The following ANO10 variants were observed in gnomAD, a reference collection of about 807,000 sequenced individuals.
ANO10 encodes anoctamin 10.
In ANO10, 77 loss-of-function variants were observed where a neutral mutation model predicts 74.7. That is an observed-to-expected ratio of 1.03 (90% CI 0.86 to 1.25). The LOEUF (loss-of-function observed/expected upper bound fraction) is 1.25, where lower values mean the gene tolerates loss of function less well. Among genes scored for constraint, ANO10 ranks in the 50% most tolerant of loss-of-function variants. ANO10 has a pLI of 0.00. For missense variants in ANO10, 721 were observed against 778.1 expected (o/e 0.93, Z 0.87); for synonymous variants, 279 against 284.9 (o/e 0.98, Z 0.21).
At chr3:43,663,824 G>C (rs2083954898) in intron 1 of ANO10, among the ~76,000 whole-genome samples, 1 of 152,130 alleles carries the variant, frequency 6.6e-6, no homozygotes, top group Non-Finnish European at 1.5e-5. Flanking sequence ...CAACTTACAA[G>C]AGATGTGAAG....
intron 12 of ANO10, among the ~76,000 whole-genome samples, chr3:43,390,395 T>C (rs983526345): frequency 6.6e-6 from 1 of 152,266 alleles, no homozygotes; most frequent in Non-Finnish European, 1.5e-5. Flanking sequence ...TCCCAACCTC[T>C]GTGCCCAGTA....
chr3:43,436,130 T>C (rs990052842), intron 11 of ANO10, among the ~76,000 whole-genome samples: 2 of 152,204 alleles, frequency 1.3e-5, no homozygotes, highest in African/African-American at 2.4e-5. Context: ...ATAACATTTA[T>C]AGCCTCGTGT....
upstream of ANO10, among the ~76,000 whole-genome samples, chr3:43,624,755 C>T (rs749401435): frequency 1.3e-5 from 2 of 152,246 alleles, no homozygotes; most frequent in Admixed American, 6.5e-5. Flanking sequence ...ATGGACACAC[C>T]AGACAAAGAG....
chr3:43,527,222 C>A (rs2078246168), intron 11 of ANO10, among the ~76,000 whole-genome samples: 1 of 151,990 alleles, frequency 6.6e-6, no homozygotes, highest in Non-Finnish European at 1.5e-5. Context: ...TGCCCCTTAT[C>A]CAATTAAACT....
intron 4 of ANO10, among the ~76,000 whole-genome samples, chr3:43,587,270 C>A (rs1476283749): frequency 6.6e-6 from 1 of 152,186 alleles, no homozygotes; most frequent in East Asian, 1.9e-4. Context: ...GCCTACAGCA[C>A]AACCCAGAGA....
At chr3:43,464,380 T>C (rs1303748277) in intron 11 of ANO10, among the ~76,000 whole-genome samples, 2 of 152,146 alleles carry the variant, frequency 1.3e-5, no homozygotes, top group Middle Eastern at 3.2e-3. Context: ...TGGGATATAT[T>C]TCAGAAATGC....
intron 4 of ANO10, among the ~76,000 whole-genome samples, chr3:43,595,871 T>A (rs1319897793): frequency 6.6e-6 from 1 of 152,156 alleles, no homozygotes; most frequent in Admixed American, 6.5e-5. Flanking sequence ...CCCCATCGTC[T>A]CAGCCAAAAA....
At chr3:43,684,158 A>G (rs2084241884) in intron 1 of ANO10, among the ~76,000 whole-genome samples, 1 of 152,338 alleles carries the variant, frequency 6.6e-6, no homozygotes, top group South Asian at 2.1e-4. Context: ...ACAGAATGGG[A>G]GAAAATTTTT....
At chr3:43,515,792 C>T (rs894246900) in intron 11 of ANO10, among the ~76,000 whole-genome samples, 1 of 152,126 alleles carries the variant, frequency 6.6e-6, no homozygotes, top group African/African-American at 2.4e-5. Context: ...TAAGAACTTG[C>T]CCCTTTTCTA....
chr3:43,691,420 G>T (rs1294408578), intron 1 of ANO10: 1 of 169,360 alleles, frequency 5.9e-6, no homozygotes, highest in Non-Finnish European at 1.3e-5. Flanking sequence ...AATGCCGCCG[G>T]CGGGCGGTGC....
intron 11 of ANO10, among the ~76,000 whole-genome samples, chr3:43,472,310 A>T (rs2075888529): frequency 6.6e-6 from 1 of 152,198 alleles, no homozygotes; most frequent in Non-Finnish European, 1.5e-5. Flanking sequence ...TTATTATTAC[A>T]TGAATTAATA....
chr3:43,551,572 T>C, intron 10 of ANO10: 2 of 457,078 alleles, frequency 4.4e-6, no homozygotes, highest in Non-Finnish European at 8.8e-6. Context: ...TACACCTGTG[T>C]CCAAACAAAA....
At position 43,367,013 on chromosome 3, in the gene ANO10, G is replaced by A. The variant is rs773525056; in HGVS notation, c.1915-39C>T. ...ACAGGACACCAGGTGAGCCACAGAA[G>A]CCTAAGTAGTGGCCGAGGCCTCTGC... is the stretch of plus-strand genomic sequence containing the variant. On this transcript the variant is annotated intron_variant, in intron 12 of 12. Transcript: ENST00000292246. 40 of 1,563,990 alleles carry A rather than the reference G, an allele frequency of 2.6e-5. No homozygotes were observed. The East Asian group carries it at 9.0e-4, about 35-fold the overall frequency.
intron 11 of ANO10, among the ~76,000 whole-genome samples, chr3:43,536,062 C>T (rs370117549): frequency 1.4e-4 from 21 of 152,260 alleles, no homozygotes; most frequent in African/African-American, 3.4e-4. Context: ...ATTTTAAAAA[C>T]GCTTCTTCAG....
At chr3:43,405,001 TAC>T (rs2092552252) in intron 12 of ANO10, among the ~76,000 whole-genome samples, 1 of 151,910 alleles carries the variant, frequency 6.6e-6, no homozygotes, top group Non-Finnish European at 1.5e-5. Context: ...ACATGATGAA[TAC>T]ATGAAATAGT....
intron 12 of ANO10, among the ~76,000 whole-genome samples, chr3:43,423,599 G>T (rs2092853067): frequency 6.6e-6 from 1 of 152,190 alleles, no homozygotes; most frequent in South Asian, 2.1e-4. Context: ...CAGAGGGCAG[G>T]TATACTGGTG....
Position 43,598,669 on chromosome 3 carries a change from A to T in ANO10, c.338-3T>A, listed in dbSNP as rs1296009926. 4.4e-6 allele frequency: 7 copies of T among 1,595,240 alleles called. No homozygotes were observed. The South Asian group carries it at 5.6e-5, about 13-fold the overall frequency. ...TGTCAGGAAATCATCATTGTTATCTAAAATAAAACAGAAATTACCAGATTT... is the reference window on the plus strand; with the variant it reads ...TGTCAGGAAATCATCATTGTTATCTTAAATAAAACAGAAATTACCAGATTT... On this transcript the variant is annotated splice_region_variant and splice_polypyrimidine_tract_variant and intron_variant, in intron 3 of 12. Coordinates refer to ENST00000292246, the MANE Select transcript of ANO10 (RefSeq NM_018075.5).
chr3:43,372,804 C>A, intron 12 of ANO10: 1 of 1,532,490 alleles, frequency 6.5e-7, no homozygotes, highest in Non-Finnish European at 8.7e-7. Context: ...TGAGTTGGTG[C>A]TCCATGAATA....
intron 11 of ANO10, among the ~76,000 whole-genome samples, chr3:43,546,956 T>A (rs1419246267): frequency 1.3e-5 from 2 of 151,920 alleles, no homozygotes; most frequent in Non-Finnish European, 2.9e-5. Flanking sequence ...ATGCCCCAAA[T>A]GGAATAAACT....
Sources: gnomAD v4.1 joint callset for allele counts (sites outside exome capture counted in the v4.1 genomes callset) on GRCh38, gnomAD v4.1.1 for gene constraint, MANE v1.5 for transcripts, NCBI Gene and HGNC (gene_info 2026-07-23, HGNC 2026-07-21) for gene names.